The following CPEB2 variants were observed in gnomAD, a reference collection of about 807,000 sequenced individuals.
CPEB2 encodes cytoplasmic polyadenylation element binding protein 2.
CPEB2 carries 56 observed loss-of-function variants against 93.6 expected under a neutral mutation model. The ratio of observed to expected loss-of-function variants is 0.60; its 90% CI spans 0.48 to 0.75. The LOEUF (loss-of-function observed/expected upper bound fraction) is 0.75. Among genes scored for constraint, CPEB2 ranks in the 30% least tolerant of loss-of-function variants. The probability of loss-of-function intolerance (pLI) is 0.00; values close to 1 mark genes in which losing one functional copy is unlikely to be tolerated. For missense variants in CPEB2, 1,579 were observed against 1,395.1 expected (o/e 1.13, Z -2.10); for synonymous variants, 764 against 586.3 (o/e 1.30, Z -4.38).
intron 8 of CPEB2, 141 bp downstream of exon 8, chr4:15,054,358 TTG>T: frequency 1.5e-6 from 1 of 661,260 alleles, no homozygotes; most frequent in Non-Finnish European, 2.6e-6. Context: ...CAACAAATGT[TTG>T]AGTATTTTCT....
chr4:15,020,421 C>T (rs1022818648), intron 4 of CPEB2, among the ~76,000 whole-genome samples: 2 of 152,098 alleles, frequency 1.3e-5, no homozygotes, highest in South Asian at 4.1e-4. Context: ...GCAGATAGAT[C>T]TCTAGAATGC....
chr4:15,002,894 G>A lies in CPEB2; in HGVS notation c.221G>A (p.Gly74Asp). 2 of 1,511,746 alleles carry A rather than the reference G, an allele frequency of 1.3e-6. No homozygotes were observed. The highest frequency in any genetic ancestry group is 1.8e-6 in the Non-Finnish European group (2 of 1,140,416). The allele number at this position is 1,511,746 out of a possible 1,614,324, so 93.6% of individuals were successfully genotyped here. The part of the protein sequence containing the change: ...PFSVPLGGGA[G>D]SPAAAASSSS... ...TCCGTCCCCCTCGGCGGCGGCGCGG[G>A]CAGCCCGGCCGCCGCCGCTTCCTCT... Residue 74 changes from glycine (G) to aspartate (D), a missense_variant, in exon 1 of 12, where the codon GGC becomes GAC. Gly to Asp is a moderately conservative substitution (Grantham distance 94, BLOSUM62 -1). Transcript: ENST00000538197.
Position 15,004,293 on chromosome 4 carries a change from C to G in CPEB2, c.1620C>G (p.Ala540=). The change falls in exon 1 of 12, where the codon GCC becomes GCG. Residue 540 remains alanine (A), a synonymous_variant. Coordinates refer to ENST00000538197, the MANE Select transcript of CPEB2 (RefSeq NM_001177382.2). ...PQLQQQHQAA[A]AAFLQQRNSY... The stretch of plus-strand genomic sequence containing the variant: ...TCCAGCAGCAGCACCAGGCGGCGGC[C>G]GCCGCCTTCCTGCAGCAGAGGAACT... 1 of 1,493,508 alleles carries G rather than the reference C, an allele frequency of 6.7e-7. No homozygotes were observed. Among genetic ancestry groups the G allele is most frequent in the Non-Finnish European group, 8.9e-7 (1 of 1,129,568 alleles). 92.5% of individuals were successfully genotyped at this position (1,493,508 alleles called of 1,614,324 possible). A position where few individuals can be genotyped will look rare whatever the true frequency, so the allele number is the denominator to read the frequency against.
Position 15,004,119 on chromosome 4 carries a change from C to A in CPEB2, c.1446C>A (p.Gly482=), listed in dbSNP as rs1458191500. The A allele has an allele frequency of 1.3e-6, 2 of 1,532,570 alleles. No homozygotes were observed. Among genetic ancestry groups the A allele is most frequent in the Non-Finnish European group, 1.7e-6 (2 of 1,144,254 alleles). The allele number at this position is 1,532,570 out of a possible 1,614,324, so 94.9% of individuals were successfully genotyped here. Residue 482 remains glycine (G), a synonymous_variant, in exon 1 of 12, where the codon GGC becomes GGA. Transcript: ENST00000538197. The part of the protein sequence containing the change: ...GCTGLSVPTS[G]GGGGGFGGPF... ...CTGGGCTCAGCGTTCCGACGAGCGG[C>A]GGCGGCGGCGGCGGCTTCGGCGGCC...
chr4:15,040,130 T>G (rs1009353134), intron 5 of CPEB2, among the ~76,000 whole-genome samples: 3 of 152,160 alleles, frequency 2.0e-5, no homozygotes, highest in African/African-American at 7.2e-5. Context: ...GGAAAATTAT[T>G]TGGGATGCTA....
rs1169829615 is a variant in CPEB2 at position 15,002,874 on chromosome 4, C to G, written c.201C>G (p.Val67=). The change falls in exon 1 of 12, where the codon GTC becomes GTG. Residue 67 remains valine (V), a synonymous_variant. Coordinates refer to ENST00000538197, the MANE Select transcript of CPEB2 (RefSeq NM_001177382.2). Reference sequence around the variant, plus strand: ...TAGAGGCCGCCTCCCCCTTCTCCGTCCCCCTCGGCGGCGGCGCGGGCAGCC... The same window carrying G: ...TAGAGGCCGCCTCCCCCTTCTCCGTGCCCCTCGGCGGCGGCGCGGGCAGCC... ...GFLEAASPFS[V]PLGGGAGSPA... 6.6e-7 allele frequency: 1 copy of G among 1,525,298 alleles called. No homozygotes were observed. Among genetic ancestry groups the G allele is most frequent in the South Asian group, 1.2e-5 (1 of 82,422 alleles). The allele number at this position is 1,525,298 out of a possible 1,614,324, so 94.5% of individuals were successfully genotyped here. A position where few individuals can be genotyped will look rare whatever the true frequency, so the allele number is the denominator to read the frequency against.
intron 8 of CPEB2, 72 bp from the exon 9 acceptor site, chr4:15,058,349 C>A: frequency 1.1e-5 from 8 of 726,878 alleles, no homozygotes; most frequent in African/African-American, 1.8e-5. Flanking sequence ...CATGTATTTT[C>A]TAAATAGTAC....
intron 6 of CPEB2, among the ~76,000 whole-genome samples, chr4:15,041,782 C>T (rs959761206): frequency 2.0e-5 from 3 of 152,154 alleles, no homozygotes; most frequent in South Asian, 2.1e-4. Flanking sequence ...CCATTTGCCA[C>T]GACTGACAAC....
chr4:15,030,809 A>G (rs1704889072), intron 4 of CPEB2, among the ~76,000 whole-genome samples: 1 of 152,052 alleles, frequency 6.6e-6, no homozygotes, highest in South Asian at 2.1e-4. Context: ...TGTTTTTTAA[A>G]CTTTCCACAA....
intron 4 of CPEB2, among the ~76,000 whole-genome samples, chr4:15,023,561 A>G (rs1008719986): frequency 6.6e-6 from 1 of 152,072 alleles, no homozygotes; most frequent in African/African-American, 2.4e-5. Flanking sequence ...AAATATTTGC[A>G]GTAATTAAAT....
At chr4:15,016,977 T>C (rs886593765) in intron 3 of CPEB2, among the ~76,000 whole-genome samples, 4 of 151,960 alleles carry the variant, frequency 2.6e-5, no homozygotes, top group Non-Finnish European at 5.9e-5. Context: ...GATAAAAGCT[T>C]TAAGAGATAA....
intron 4 of CPEB2, among the ~76,000 whole-genome samples, chr4:15,028,998 G>A (rs1725785727): frequency 1.3e-5 from 2 of 151,896 alleles, no homozygotes; most frequent in South Asian, 4.2e-4. Context: ...GTAACCACTG[G>A]GGCTAGTTCC....
chr4:15,029,685 A>T (rs1725871338), intron 4 of CPEB2, among the ~76,000 whole-genome samples: 2 of 152,090 alleles, frequency 1.3e-5, no homozygotes, highest in Non-Finnish European at 2.9e-5. Flanking sequence ...GTAAGATAGA[A>T]GTTTGTTTCC....
At chr4:15,016,001 G>T (rs1460721377) in intron 3 of CPEB2, among the ~76,000 whole-genome samples, 1 of 151,932 alleles carries the variant, frequency 6.6e-6, no homozygotes, top group Admixed American at 6.6e-5. Context: ...AGAAAGGGGG[G>T]ACTACTGTAC....
chr4:15,015,263 ACT>A (rs984423859), intron 3 of CPEB2, among the ~76,000 whole-genome samples: 1 of 152,050 alleles, frequency 6.6e-6, no homozygotes, highest in Non-Finnish European at 1.5e-5. Flanking sequence ...TTTAGGAACC[ACT>A]GTTACAGCTC....
chr4:15,044,845 G>A lies in CPEB2; in HGVS notation c.2200+4358G>A, dbSNP rs114832601. On this transcript the variant is annotated intron_variant, in intron 6 of 11. Coordinates refer to ENST00000538197, the MANE Select transcript of CPEB2 (RefSeq NM_001177382.2). Reference sequence around the variant, plus strand: ...GCCGCACATACACCTACACACACACGGAGACCAGAGACCATAGGGGATAGC... The same window carrying A: ...GCCGCACATACACCTACACACACACAGAGACCAGAGACCATAGGGGATAGC... Among the ~76,000 whole-genome samples, 306 of 152,078 alleles carry A rather than the reference G, an allele frequency of 2.0e-3. 2 individuals are homozygous for A. Among genetic ancestry groups the A allele is most frequent in the African/African-American group, 7.1e-3 (293 of 41,494 alleles).
intron 5 of CPEB2, among the ~76,000 whole-genome samples, chr4:15,039,216 T>C (rs942111138): frequency 6.6e-6 from 1 of 152,188 alleles, no homozygotes; most frequent in Non-Finnish European, 1.5e-5. Context: ...ATAAGCCTTA[T>C]AGTGATTGAC....
intron 4 of CPEB2, among the ~76,000 whole-genome samples, chr4:15,019,619 G>T (rs976887249): frequency 6.6e-6 from 1 of 151,810 alleles, no homozygotes; most frequent in Non-Finnish European, 1.5e-5. Context: ...AAAAAAAAAT[G>T]ATTTTCCCCT....
rs1416754639 is a variant in CPEB2 at position 15,070,137 on chromosome 4, A to G, written c.*3757A>G. 2 of 152,238 alleles carry G rather than the reference A, an allele frequency of 1.3e-5. No individual in the cohort carries two copies. Among genetic ancestry groups the G allele is most frequent in the East Asian group, 1.9e-4 (1 of 5,170 alleles). The allele number at this position is 152,238 out of a possible 1,614,324, so 9.4% of individuals were successfully genotyped here. A position where few individuals can be genotyped will look rare whatever the true frequency, so the allele number is the denominator to read the frequency against. ...AATATTGTTGACTGACTAATAAACT[A>G]TTAAGTTATTGGCATAGTTGTGGAA... On this transcript the variant is annotated 3_prime_UTR_variant, in exon 12 of 12. Coordinates refer to ENST00000538197, the MANE Select transcript of CPEB2 (RefSeq NM_001177382.2).
Sources: gnomAD v4.1 joint callset for allele counts (sites outside exome capture counted in the v4.1 genomes callset) on GRCh38, gnomAD v4.1.1 for gene constraint, MANE v1.5 for transcripts, NCBI Gene and HGNC (gene_info 2026-07-23, HGNC 2026-07-21) for gene names.